Variants in SGPP1 observed in about 807,000 individuals in gnomAD.
The protein encoded by SGPP1 is hSPP1.
SGPP1 carries 21 observed loss-of-function variants against 33.0 expected under a neutral mutation model. That is an observed-to-expected ratio of 0.64 (90% CI 0.45 to 0.92). The LOEUF (loss-of-function observed/expected upper bound fraction) is 0.92, where lower values mean the gene tolerates loss of function less well. Ranked by LOEUF, SGPP1 falls within the 40% of genes least tolerant of loss-of-function variation. The probability of loss-of-function intolerance (pLI) is 0.00; values close to 1 mark genes in which losing one functional copy is unlikely to be tolerated. For synonymous variants in SGPP1, 239 were observed against 241.2 expected (o/e 0.99, Z 0.08); for missense variants, 543 against 589.4 (o/e 0.92, Z 0.81).
Position 63,698,747 on chromosome 14 carries a change from A to G in SGPP1, c.685-89T>C, listed in dbSNP as rs537861962. ...AAGACAAATCAAATCACTATTCTAT[A>G]AAGTCCACTAAAACAAGAAATTTGT... On this transcript the variant is annotated intron_variant, in intron 1 of 2. Transcript: ENST00000247225. The G allele has an allele frequency of 4.6e-5, 30 of 647,212 alleles. 1 individual carries two copies. The South Asian group carries it at 1.0e-3, about 22-fold the overall frequency. The allele number at this position is 647,212 out of a possible 1,614,324, so 40.1% of individuals were successfully genotyped here.
In SGPP1 at chr14:63,703,800, GT is replaced by G. The variant is rs57439548; in HGVS notation, c.685-5143del. 9.3e-3 allele frequency among the ~76,000 whole-genome samples: 919 copies of G among 98,898 alleles called. 4 individuals carry two copies. The highest frequency in any genetic ancestry group is 0.025 in the African/African-American group (598 of 24,022). The allele number at this position is 98,898 out of a possible 152,430, so 64.9% of individuals were successfully genotyped here. On this transcript the variant is annotated intron_variant, in intron 1 of 2. Coordinates refer to ENST00000247225, the MANE Select transcript of SGPP1 (RefSeq NM_030791.4). ...TATAGTCAATGTAATCCCTATTTAA[GT>G]TTTTTTTTTTTTTTTTTTTTTTGGC...
At chr14:63,711,362 A>C (rs994312178) in intron 1 of SGPP1, among the ~76,000 whole-genome samples, 3 of 152,154 alleles carry the variant, frequency 2.0e-5, no homozygotes, top group Non-Finnish European at 4.4e-5. Context: ...AATTCTTTAC[A>C]TAATGTATTA....
rs187322711 is a variant in SGPP1, at chr14:63,714,702, T to C, written c.684+12559A>G. Among the ~76,000 whole-genome samples, 762 of 151,652 alleles carry C rather than the reference T, an allele frequency of 5.0e-3. 9 individuals carry two copies. Among genetic ancestry groups the C allele is most frequent in the Non-Finnish European group, 6.8e-3 (462 of 67,746 alleles). ...TTCCAAAGTGCTGGGATTACAGGCATGTGCCACCATGCCCAGCCTTGACCT... is the reference window on the plus strand; with the variant it reads ...TTCCAAAGTGCTGGGATTACAGGCACGTGCCACCATGCCCAGCCTTGACCT... On this transcript the variant is annotated intron_variant, in intron 1 of 2. Transcript: ENST00000247225.
At chr14:63,707,393 TA>T (rs1175551011) in intron 1 of SGPP1, among the ~76,000 whole-genome samples, 2 of 152,172 alleles carry the variant, frequency 1.3e-5, no homozygotes, top group Non-Finnish European at 2.9e-5. Context: ...CTACATGTTA[TA>T]GCTTGTAACA....
At position 63,701,918 on chromosome 14, in the gene SGPP1, C is replaced by CAAA. The variant is rs549492142; in HGVS notation, c.685-3263_685-3261dup. On this transcript the variant is annotated intron_variant, in intron 1 of 2. Coordinates refer to ENST00000247225, the MANE Select transcript of SGPP1 (RefSeq NM_030791.4). ...CTAATTTTTAAAAAGCTGTTGACAG[C>CAAA]AAAAAAAAAAAAAAAAGAACCAAAA... is the stretch of plus-strand genomic sequence containing the variant. Among the ~76,000 whole-genome samples, 31 of 54,086 alleles carry CAAA rather than the reference C, an allele frequency of 5.7e-4. 1 individual carries two copies. The highest frequency in any genetic ancestry group is 1.3e-3 in the African/African-American group (26 of 20,634). The allele number at this position is 54,086 out of a possible 152,430, so 35.5% of individuals were successfully genotyped here.
Position 63,686,230 on chromosome 14 carries a change from C to A in SGPP1, c.1201G>T (p.Asp401Tyr). 6.2e-7 allele frequency: 1 copy of A among 1,614,100 alleles called. No individual in the cohort carries two copies. The highest frequency in any genetic ancestry group is 8.5e-7 in the Non-Finnish European group (1 of 1,179,996). Residue 401 changes from aspartate (D) to tyrosine (Y), a missense_variant, in exon 3 of 3, where the codon GAT becomes TAT. Coordinates refer to ENST00000247225, the MANE Select transcript of SGPP1 (RefSeq NM_030791.4). The part of the protein sequence containing the change: ...ACKIFNIPCD[D>Y]IRKARQHMEV... Reference sequence around the variant, plus strand: ...ATGTGCTGTCTTGCTTTTCGAATATCATCACACGGTATATTGAAGATTTTG... The same window carrying A: ...ATGTGCTGTCTTGCTTTTCGAATATAATCACACGGTATATTGAAGATTTTG...
intron 2 of SGPP1, among the ~76,000 whole-genome samples, chr14:63,696,875 A>G (rs1180959791): frequency 6.6e-6 from 1 of 152,070 alleles, no homozygotes; most frequent in Admixed American, 6.6e-5. Flanking sequence ...AATCCCAGCT[A>G]CTCAGGAGGT....
rs1423510712 is a variant in SGPP1, at chr14:63,686,411, A to G, written c.1020T>C (p.Gly340=). 1 of 1,614,014 alleles carries G rather than the reference A, an allele frequency of 6.2e-7. No individual in the cohort carries two copies. The highest frequency in any genetic ancestry group is 8.5e-7 in the Non-Finnish European group (1 of 1,179,982). The change falls in exon 3 of 3, where the codon GGT becomes GGC. Residue 340 remains glycine (G), a synonymous_variant. Coordinates refer to ENST00000247225, the MANE Select transcript of SGPP1 (RefSeq NM_030791.4). ...TATCTAGAGAAGGATCTAATACTAGACCCATGTTATAAGTAACATGAGATC... is the reference window on the plus strand; with the variant it reads ...TATCTAGAGAAGGATCTAATACTAGGCCCATGTTATAAGTAACATGAGATC... ...ACGSHVTYNM[G]LVLDPSLDTL... is the part of the protein sequence containing the mutation.
chr14:63,714,229 T>G (rs1885576548), intron 1 of SGPP1, among the ~76,000 whole-genome samples: 1 of 152,188 alleles, frequency 6.6e-6, no homozygotes, highest in African/African-American at 2.4e-5. Flanking sequence ...AGATAAAATT[T>G]CTTGAGATCT....
chr14:63,705,334 C>T (rs1316655690), intron 1 of SGPP1, among the ~76,000 whole-genome samples: 1 of 149,616 alleles, frequency 6.7e-6, no homozygotes, highest in Non-Finnish European at 1.5e-5. Context: ...CCTGAATAGA[C>T]ATTTCTCCAA....
chr14:63,706,187 A>C (rs1312761413), intron 1 of SGPP1, among the ~76,000 whole-genome samples: 1 of 152,256 alleles, frequency 6.6e-6, no homozygotes, highest in African/African-American at 2.4e-5. Context: ...CCAAGGTCAC[A>C]TATTATACAA....
At chr14:63,709,178 G>C (rs536698593) in intron 1 of SGPP1, among the ~76,000 whole-genome samples, 51 of 152,064 alleles carry the variant, frequency 3.4e-4, no homozygotes, top group African/African-American at 1.1e-3. Flanking sequence ...AGTTCGTGAC[G>C]AGCTTGGCCA....
chr14:63,727,883 G>GC lies in SGPP1; in HGVS notation c.61dup (p.Ala21GlyfsTer23). On this transcript the variant is annotated frameshift_variant, in exon 1 of 3. Transcript: ENST00000247225. LOFTEE classifies it high-confidence loss of function. ...CACCCCGCACAGCCGCTGGAAACGG[G>GC]CCACTTTCTGCGGGTCCTGCAGACG... 6.6e-7 allele frequency: 1 copy of GC among 1,526,010 alleles called. No homozygotes were observed. The highest frequency in any genetic ancestry group is 2.6e-5 in the East Asian group (1 of 38,988). The allele number at this position is 1,526,010 out of a possible 1,614,324, so 94.5% of individuals were successfully genotyped here.
intron 1 of SGPP1, among the ~76,000 whole-genome samples, chr14:63,713,817 C>T (rs1885569630): frequency 1.3e-5 from 2 of 152,290 alleles, no homozygotes; most frequent in East Asian, 3.9e-4. Flanking sequence ...GTCAGCTTGA[C>T]TGGATTAAGA....
At chr14:63,692,393 T>C (rs1885107762) in intron 2 of SGPP1, among the ~76,000 whole-genome samples, 1 of 152,172 alleles carries the variant, frequency 6.6e-6, no homozygotes, top group Non-Finnish European at 1.5e-5. Flanking sequence ...GTTATAAAAA[T>C]TAACATTTTG....
At chr14:63,691,016 T>G (rs893252763) in intron 2 of SGPP1, among the ~76,000 whole-genome samples, 1 of 152,132 alleles carries the variant, frequency 6.6e-6, no homozygotes. Context: ...TGCCCAGCCA[T>G]GAAAAACATT....
chr14:63,686,425 T>C lies in SGPP1; in HGVS notation c.1006A>G (p.Thr336Ala), dbSNP rs1387174233. ...GAGIACGSHV[T>A]YNMGLVLDPS... ...TCTAATACTAGACCCATGTTATAAG[T>C]AACATGAGATCCACATGCAATTCCA... The change falls in exon 3 of 3, where the codon ACT becomes GCT. Residue 336 changes from threonine (T) to alanine (A), a missense_variant. Coordinates refer to ENST00000247225, the MANE Select transcript of SGPP1 (RefSeq NM_030791.4). The C allele has an allele frequency of 6.2e-7, 1 of 1,614,106 alleles. No individual in the cohort carries two copies. The highest frequency in any genetic ancestry group is 1.1e-5 in the South Asian group (1 of 91,078).
At chr14:63,718,612 G>A (rs1404813203) in intron 1 of SGPP1, among the ~76,000 whole-genome samples, 1 of 151,906 alleles carries the variant, frequency 6.6e-6, no homozygotes, top group Admixed American at 6.6e-5. Flanking sequence ...ATATACTGTT[G>A]CAAGGTTCTG....
Position 63,698,661 on chromosome 14 carries a change from A to G in SGPP1, c.685-3T>C. On this transcript the variant is annotated splice_region_variant and splice_polypyrimidine_tract_variant and intron_variant, in intron 1 of 2. Coordinates refer to ENST00000247225, the MANE Select transcript of SGPP1 (RefSeq NM_030791.4). Reference sequence around the variant, plus strand: ...ATCAGTCCATATATAAGAGGGTACTAAAGGGGAAAAAAAGTAAAATTAGTT... The same window carrying G: ...ATCAGTCCATATATAAGAGGGTACTGAAGGGGAAAAAAAGTAAAATTAGTT... 3 of 1,537,674 alleles carry G rather than the reference A, an allele frequency of 2.0e-6. No homozygotes were observed. Among genetic ancestry groups the G allele is most frequent in the Non-Finnish European group, 1.8e-6 (2 of 1,137,680 alleles).
Sources: gnomAD v4.1 joint callset for allele counts (sites outside exome capture counted in the v4.1 genomes callset) on GRCh38, gnomAD v4.1.1 for gene constraint, MANE v1.5 for transcripts, NCBI Gene and HGNC (gene_info 2026-07-23, HGNC 2026-07-21) for gene names.